RAB27B: variants seen among roughly 807,000 people sequenced by gnomAD.
RAB27B encodes RAB27B, member RAS oncogene family.
Under a neutral mutation model 24.6 loss-of-function variants are expected in RAB27B, and 15 were observed. The ratio of observed to expected loss-of-function variants is 0.61; its 90% CI spans 0.41 to 0.94. RAB27B has a LOEUF of 0.94. Among genes scored for constraint, RAB27B ranks in the 40% least tolerant of loss-of-function variants. The pLI is 0.00. For missense variants in RAB27B, 261 were observed against 266.8 expected (o/e 0.98, Z 0.15); for synonymous variants, 105 against 92.5 (o/e 1.14, Z -0.78).
intron 2 of RAB27B, among the ~76,000 whole-genome samples, chr18:54,801,953 T>C (rs1409870075): frequency 6.6e-6 from 1 of 152,062 alleles, no homozygotes; most frequent in Admixed American, 6.5e-5. Flanking sequence ...TTGGGTCCTG[T>C]GAGAAGGAGA....
chr18:54,735,829 T>G (rs1384035138), intron 2 of RAB27B, among the ~76,000 whole-genome samples: 1 of 152,146 alleles, frequency 6.6e-6, no homozygotes, highest in Non-Finnish European at 1.5e-5. Context: ...GCTGACACTT[T>G]TGTGATAGAA....
chr18:54,749,728 C>T (rs565316401), intron 2 of RAB27B, among the ~76,000 whole-genome samples: 1 of 152,218 alleles, frequency 6.6e-6, no homozygotes, highest in South Asian at 2.1e-4. Flanking sequence ...AGCGACTTAT[C>T]TTGAGATAAG....
At chr18:54,732,546 A>G (rs369178488) in intron 2 of RAB27B, among the ~76,000 whole-genome samples, 302 of 152,332 alleles carry the variant, frequency 2.0e-3, no homozygotes, top group African/African-American at 6.9e-3. Context: ...GTACCATAAT[A>G]TAGTTTTGTT....
chr18:54,884,713 A>G (rs1913062723), intron 4 of RAB27B, among the ~76,000 whole-genome samples: 1 of 152,090 alleles, frequency 6.6e-6, no homozygotes, highest in South Asian at 2.1e-4. Context: ...GATCTTTATT[A>G]TTGTCATTGA....
chr18:54,890,725 G>A lies in RAB27B; in HGVS notation c.*1312G>A, dbSNP rs1913332524. The A allele has an allele frequency of 3.5e-5, 5 of 142,956 alleles. No homozygotes were observed. Among genetic ancestry groups the A allele is most frequent in the African/African-American group, 1.0e-4 (4 of 38,604 alleles). 8.9% of individuals were successfully genotyped at this position (142,956 alleles called of 1,614,324 possible). ...CCAAAGGCAAGACACCTATAGTTGA[G>A]CTGTATTTTGGGGGATTGGGTGAGG... On this transcript the variant is annotated 3_prime_UTR_variant, in exon 6 of 6. Coordinates refer to ENST00000262094, the MANE Select transcript of RAB27B (RefSeq NM_004163.4).
intron 2 of RAB27B, among the ~76,000 whole-genome samples, chr18:54,785,700 A>C (rs916890841): frequency 2.6e-5 from 4 of 152,182 alleles, no homozygotes; most frequent in Non-Finnish European, 5.9e-5. Flanking sequence ...TGCCTAAAAC[A>C]GTGTTAGGAA....
intron 2 of RAB27B, among the ~76,000 whole-genome samples, chr18:54,794,264 T>G (rs530615526): frequency 1.3e-5 from 2 of 152,346 alleles, no homozygotes; most frequent in Admixed American, 1.3e-4. Context: ...TAGTCTTCAT[T>G]GCACACTCTA....
At chr18:54,790,244 T>G (rs933600589) in intron 2 of RAB27B, among the ~76,000 whole-genome samples, 1 of 152,036 alleles carries the variant, frequency 6.6e-6, no homozygotes, top group African/African-American at 2.4e-5. Context: ...ATGGCATATT[T>G]AAGAGAAAAA....
At chr18:54,783,157 C>T (rs866233528) in intron 2 of RAB27B, among the ~76,000 whole-genome samples, 44 of 151,772 alleles carry the variant, frequency 2.9e-4, no homozygotes, top group South Asian at 2.1e-4. Context: ...TTATTAGAGA[C>T]GGTTTCACCA....
At chr18:54,750,404 A>T (rs775681145) in intron 2 of RAB27B, among the ~76,000 whole-genome samples, 10 of 152,168 alleles carry the variant, frequency 6.6e-5, no homozygotes, top group Non-Finnish European at 1.3e-4. Context: ...AACTGTATAG[A>T]AATTGGACCT....
intron 2 of RAB27B, among the ~76,000 whole-genome samples, chr18:54,790,745 C>T (rs919668191): frequency 3.9e-5 from 6 of 151,972 alleles, no homozygotes; most frequent in African/African-American, 1.4e-4. Flanking sequence ...TTTAGAAATC[C>T]AATTAAGTGC....
At chr18:54,780,785 T>C (rs976295143) in intron 2 of RAB27B, among the ~76,000 whole-genome samples, 13 of 152,104 alleles carry the variant, frequency 8.5e-5, no homozygotes, top group Admixed American at 8.5e-4. Context: ...ATGGAGAAGG[T>C]TCAGTGATCT....
chr18:54,821,783 C>T (rs1910318662), intron 2 of RAB27B, among the ~76,000 whole-genome samples: 1 of 152,222 alleles, frequency 6.6e-6, no homozygotes. Context: ...GATGGCGTTT[C>T]ACGCTTGTCG....
intron 3 of RAB27B, chr18:54,879,721 GA>G (rs1830604067): frequency 7.2e-5 from 23 of 318,092 alleles, no homozygotes; most frequent in Middle Eastern, 9.6e-4. Flanking sequence ...TTCTTAGAAG[GA>G]AAAAAAGGTT....
At chr18:54,755,561 A>G (rs1416667357) in intron 2 of RAB27B, among the ~76,000 whole-genome samples, 1 of 152,216 alleles carries the variant, frequency 6.6e-6, no homozygotes, top group Non-Finnish European at 1.5e-5. Context: ...AATTACAAGT[A>G]GGTGATTTCC....
intron 1 of RAB27B, among the ~76,000 whole-genome samples, chr18:54,849,995 C>A (rs1911495645): frequency 2.6e-5 from 4 of 151,722 alleles, no homozygotes; most frequent in Admixed American, 2.6e-4. Context: ...TAGTTAAATC[C>A]TTTGAAATTT....
chr18:54,741,576 C>A lies in RAB27B; in HGVS notation c.-20+23435C>A, dbSNP rs147038075. Among the ~76,000 whole-genome samples the A allele has an allele frequency of 3.0e-3, 459 of 152,234 alleles. 4 individuals are homozygous for A. The highest frequency in any genetic ancestry group is 0.01 in the African/African-American group (420 of 41,548). On this transcript the variant is annotated intron_variant, in intron 2 of 4. Transcript: ENST00000586570. ...TGGTACAATCTCAGCTCACTACAACCTCTGACTCTTGGGCTCAAGCCATCC... is the reference window on the plus strand; with the variant it reads ...TGGTACAATCTCAGCTCACTACAACATCTGACTCTTGGGCTCAAGCCATCC...
intron 2 of RAB27B, among the ~76,000 whole-genome samples, chr18:54,795,080 T>C (rs564997920): frequency 6.9e-4 from 105 of 152,290 alleles, no homozygotes; most frequent in Non-Finnish European, 1.3e-3. Context: ...AGGATGGAAA[T>C]TGAGCTTTAG....
chr18:54,749,383 G>A (rs11872292), intron 2 of RAB27B, among the ~76,000 whole-genome samples: 9,436 of 152,152 alleles, frequency 0.062, 369 homozygotes, highest in Admixed American at 0.086. Flanking sequence ...CTGAGCCCCA[G>A]TGGCAGCTTG....
Sources: allele counts gnomAD v4.1 joint callset (sites outside exome capture counted in the v4.1 genomes callset), GRCh38; gene constraint gnomAD v4.1.1; transcripts MANE v1.5; gene names NCBI Gene and HGNC (gene_info 2026-07-23, HGNC 2026-07-21).